Variants in NKAIN3 observed in about 807,000 individuals in gnomAD.
NKAIN3 encodes the protein sodium/potassium transporting ATPase interacting 3.
A neutral mutation model predicts 30.2 loss-of-function variants in NKAIN3; 25 were observed. The ratio of observed to expected loss-of-function variants is 0.83; its 90% CI spans 0.60 to 1.16. The LOEUF is 1.16. Among genes scored for constraint, NKAIN3 ranks in the 50% most tolerant of loss-of-function variants. The pLI is 0.00. For synonymous variants in NKAIN3, 91 were observed against 89.6 expected (o/e 1.02, Z -0.09); for missense variants, 225 against 254.1 (o/e 0.89, Z 0.78).
intron 5 of NKAIN3, among the ~76,000 whole-genome samples, chr8:62,951,925 G>A (rs1191206537): frequency 6.6e-6 from 1 of 151,912 alleles, no homozygotes; most frequent in African/African-American, 2.4e-5. Context: ...CTCAGCCTCC[G>A]AGTAGCTGGG....
At chr8:62,250,568 A>C (rs1812068835) in intron 1 of NKAIN3, among the ~76,000 whole-genome samples, 1 of 152,244 alleles carries the variant, frequency 6.6e-6, no homozygotes, top group South Asian at 2.1e-4. Flanking sequence ...ACATTGAGTC[A>C]ACCCTTGATT....
At chr8:62,863,905 A>T in intron 4 of NKAIN3, 1 of 1,314,120 alleles carries the variant, frequency 7.6e-7, no homozygotes, top group Middle Eastern at 2.2e-4. Context: ...CTGATCCAGG[A>T]TCTCCTCCTT....
At chr8:62,616,576 C>T (rs973808488) in intron 3 of NKAIN3, among the ~76,000 whole-genome samples, 7 of 152,146 alleles carry the variant, frequency 4.6e-5, no homozygotes, top group Admixed American at 1.3e-4. Context: ...AACCCAGAAG[C>T]TTCCCAAACC....
At chr8:62,547,825 G>C (rs1336636721) in intron 1 of NKAIN3, among the ~76,000 whole-genome samples, 1 of 152,094 alleles carries the variant, frequency 6.6e-6, no homozygotes, top group East Asian at 1.9e-4. Context: ...GGAGATGAAG[G>C]CATCCTCTAA....
At chr8:62,805,012 C>A (rs1384497133) in intron 4 of NKAIN3, among the ~76,000 whole-genome samples, 1 of 152,124 alleles carries the variant, frequency 6.6e-6, no homozygotes, top group Non-Finnish European at 1.5e-5. Context: ...CAATAACAGA[C>A]AAACATAGAG....
At chr8:62,794,401 T>C (rs565580134) in intron 4 of NKAIN3, among the ~76,000 whole-genome samples, 6 of 152,252 alleles carry the variant, frequency 3.9e-5, no homozygotes, top group African/African-American at 1.2e-4. Flanking sequence ...TATTAATAGA[T>C]AAAATGTCAT....
chr8:62,320,287 A>G (rs747831155), intron 1 of NKAIN3, among the ~76,000 whole-genome samples: 18 of 151,956 alleles, frequency 1.2e-4, no homozygotes, highest in African/African-American at 3.9e-4. Context: ...TCTTTATCCA[A>G]TTTGCCAGTC....
At chr8:62,337,829 C>A (rs923043079) in intron 1 of NKAIN3, among the ~76,000 whole-genome samples, 1 of 151,900 alleles carries the variant, frequency 6.6e-6, no homozygotes, top group African/African-American at 2.4e-5. Context: ...GAATTAATTT[C>A]ACAACTGCAG....
intron 3 of NKAIN3, among the ~76,000 whole-genome samples, chr8:62,637,157 C>A (rs1812156409): frequency 6.6e-6 from 1 of 152,120 alleles, no homozygotes. Context: ...CAAACATTTG[C>A]CTCTAATGGA....
At chr8:62,324,349 C>G (rs534544508) in intron 1 of NKAIN3, among the ~76,000 whole-genome samples, 10 of 151,840 alleles carry the variant, frequency 6.6e-5, no homozygotes, top group Admixed American at 6.6e-4. Flanking sequence ...TAAATAGAAA[C>G]TTTTTAATAA....
In NKAIN3 at chr8:62,834,203, AC is replaced by A. The variant is rs1158241458; in HGVS notation, c.472-84247del. 2.6e-5 allele frequency among the ~76,000 whole-genome samples: 4 copies of A among 152,164 alleles called. No individual in the cohort carries two copies. In the East Asian group the frequency reaches 7.7e-4, roughly 29 times the overall value. On this transcript the variant is annotated intron_variant, in intron 4 of 6. Transcript: ENST00000623646. Reference sequence around the variant, plus strand: ...AAATAGTAAGAACGGTCTAAGAGAAACCCACAGCCAACATCATACTGAATGG... The same window carrying A: ...AAATAGTAAGAACGGTCTAAGAGAAACCACAGCCAACATCATACTGAATGG...
At position 62,408,068 on chromosome 8, in the gene NKAIN3, G is replaced by A. The variant is rs557329389; in HGVS notation, c.54+158941G>A. 1.2e-3 allele frequency among the ~76,000 whole-genome samples: 187 copies of A among 152,186 alleles called. 1 individual carries two copies. Among genetic ancestry groups the A allele is most frequent in the Non-Finnish European group, 2.5e-3 (168 of 67,996 alleles). On this transcript the variant is annotated intron_variant, in intron 1 of 6. Transcript: ENST00000623646. ...TTACAGAGTGAGACCCCATAGGATC[G>A]CACTGTATTATAGTCTATATATTTA...
At chr8:62,469,479 A>G (rs769407278) in intron 1 of NKAIN3, among the ~76,000 whole-genome samples, 4 of 152,190 alleles carry the variant, frequency 2.6e-5, no homozygotes, top group Non-Finnish European at 5.9e-5. Context: ...GGTTTTACTA[A>G]CATTCTGCTC....
chr8:62,283,369 C>A (rs1421043925), intron 1 of NKAIN3, among the ~76,000 whole-genome samples: 3 of 152,018 alleles, frequency 2.0e-5, no homozygotes, highest in African/African-American at 4.8e-5. Flanking sequence ...GGAGACAGGA[C>A]TGTTCCATAG....
intron 3 of NKAIN3, among the ~76,000 whole-genome samples, chr8:62,703,574 G>A (rs575340077): frequency 3.9e-5 from 6 of 152,190 alleles, no homozygotes; most frequent in South Asian, 4.2e-4. Flanking sequence ...AATCTTTTGC[G>A]GTAATGCAAT....
intron 4 of NKAIN3, among the ~76,000 whole-genome samples, chr8:62,857,448 T>C (rs907091322): frequency 6.6e-6 from 1 of 152,218 alleles, no homozygotes; most frequent in African/African-American, 2.4e-5. Context: ...GTTTTCCAAA[T>C]TGGTTCCATT....
chr8:62,381,782 A>G (rs1482615065), intron 1 of NKAIN3, among the ~76,000 whole-genome samples: 1 of 152,156 alleles, frequency 6.6e-6, no homozygotes, highest in Non-Finnish European at 1.5e-5. Flanking sequence ...CAATGACTGT[A>G]TAACTCTCAA....
At chr8:62,320,508 G>A (rs892521638) in intron 1 of NKAIN3, among the ~76,000 whole-genome samples, 6 of 152,222 alleles carry the variant, frequency 3.9e-5, no homozygotes, top group African/African-American at 1.4e-4. Flanking sequence ...TCCTTCAGGA[G>A]CTCTTTTAGG....
chr8:62,410,586 CA>C (rs1368914266), intron 1 of NKAIN3, among the ~76,000 whole-genome samples: 1 of 151,162 alleles, frequency 6.6e-6, no homozygotes, highest in Non-Finnish European at 1.5e-5. Context: ...TGGAAAAAAA[CA>C]AAACAAGATA....
Sources: allele counts gnomAD v4.1 joint callset (sites outside exome capture counted in the v4.1 genomes callset), GRCh38; gene constraint gnomAD v4.1.1; transcripts MANE v1.5; gene names NCBI Gene and HGNC (gene_info 2026-07-23, HGNC 2026-07-21).